Variants in IKZF1 observed in about 807,000 individuals in gnomAD.
IKZF1 encodes DNA-binding protein Ikaros.
A neutral mutation model predicts 51.7 loss-of-function variants in IKZF1; 10 were observed. The ratio of observed to expected loss-of-function variants is 0.19; its 90% CI spans 0.12 to 0.33. The LOEUF (loss-of-function observed/expected upper bound fraction) is 0.33, where lower values mean the gene tolerates loss of function less well. Ranked by LOEUF, IKZF1 falls within the 10% of genes least tolerant of loss-of-function variation. The probability of loss-of-function intolerance (pLI) is 1.00; values close to 1 mark genes in which losing one functional copy is unlikely to be tolerated. For missense variants in IKZF1, 484 were observed against 707.5 expected (o/e 0.68, Z 3.58); for synonymous variants, 280 against 282.3 (o/e 0.99, Z 0.08).
rs116949712 is a variant in IKZF1, at chr7:50,391,033, G to T, written c.716-696G>T. Among the ~76,000 whole-genome samples the T allele has an allele frequency of 7.9e-4, 121 of 152,298 alleles. 1 individual carries two copies. The East Asian group carries it at 0.022, about 28-fold the overall frequency. On this transcript the variant is annotated intron_variant, in intron 6 of 7. Transcript: ENST00000331340. ...TTTTATAACTCCAACCACAATAACTGATGTAAATATAGATCCAGCTATGCA... is the reference window on the plus strand; with the variant it reads ...TTTTATAACTCCAACCACAATAACTTATGTAAATATAGATCCAGCTATGCA...
At chr7:50,324,066 AT>A (rs1794179526) in intron 2 of IKZF1, among the ~76,000 whole-genome samples, 1 of 152,202 alleles carries the variant, frequency 6.6e-6, no homozygotes, top group Non-Finnish European at 1.5e-5. Flanking sequence ...TGTTGGCTTG[AT>A]TTAGTCATTT....
intron 3 of IKZF1, among the ~76,000 whole-genome samples, chr7:50,344,343 A>T (rs1799820711): frequency 6.6e-6 from 1 of 152,176 alleles, no homozygotes; most frequent in Admixed American, 6.5e-5. Flanking sequence ...ACATCCGCTG[A>T]TGTTGTCTTC....
At chr7:50,366,038 T>C (rs1239134817) in intron 3 of IKZF1, among the ~76,000 whole-genome samples, 3 of 152,086 alleles carry the variant, frequency 2.0e-5, no homozygotes, top group African/African-American at 7.2e-5. Context: ...GAAAACCAAG[T>C]GCAGATGTTC....
At chr7:50,324,456 C>G (rs992206561) in intron 2 of IKZF1, among the ~76,000 whole-genome samples, 4 of 152,172 alleles carry the variant, frequency 2.6e-5, no homozygotes, top group African/African-American at 9.7e-5. Flanking sequence ...CCTGTACATA[C>G]CAAGACTGAT....
At chr7:50,316,879 C>G (rs1392041565) in intron 1 of IKZF1, among the ~76,000 whole-genome samples, 1 of 152,158 alleles carries the variant, frequency 6.6e-6, no homozygotes, top group Non-Finnish European at 1.5e-5. Context: ...TTGAAAATAA[C>G]TTGAGTATGC....
intron 3 of IKZF1, chr7:50,369,033 A>G (rs78697948): frequency 0.059 from 13,334 of 224,672 alleles, 487 homozygotes; most frequent in Middle Eastern, 0.083. Context: ...TTTCCAGCCT[A>G]TAGAAGTTAC....
At chr7:50,325,975 T>C (rs1794898744) in intron 2 of IKZF1, among the ~76,000 whole-genome samples, 1 of 152,226 alleles carries the variant, frequency 6.6e-6, no homozygotes, top group African/African-American at 2.4e-5. Flanking sequence ...TAATGCTCTT[T>C]CTGAAAATAT....
At chr7:50,333,811 A>G (rs1483874556) in intron 3 of IKZF1, among the ~76,000 whole-genome samples, 4 of 152,136 alleles carry the variant, frequency 2.6e-5, no homozygotes, top group Admixed American at 2.6e-4. Context: ...CATGGAGCAA[A>G]TTTTGAAAAT....
intron 2 of IKZF1, among the ~76,000 whole-genome samples, chr7:50,323,917 C>T (rs1462765072): frequency 6.6e-6 from 1 of 152,126 alleles, no homozygotes; most frequent in Admixed American, 6.5e-5. Flanking sequence ...CTCCTTTTTC[C>T]ACTTGAGGAA....
chr7:50,348,941 C>T (rs1269338636), intron 3 of IKZF1, among the ~76,000 whole-genome samples: 1 of 152,118 alleles, frequency 6.6e-6, no homozygotes, highest in East Asian at 1.9e-4. Flanking sequence ...GAGGAAGGTC[C>T]CTGGCACAGG....
intron 3 of IKZF1, among the ~76,000 whole-genome samples, chr7:50,342,242 AGG>A (rs1799217963): frequency 6.6e-6 from 1 of 152,232 alleles, no homozygotes; most frequent in Non-Finnish European, 1.5e-5. Context: ...TTGTACTTGT[AGG>A]CATTTTGGTT....
At chr7:50,391,063 A>G (rs1279840925) in intron 6 of IKZF1, among the ~76,000 whole-genome samples, 1 of 152,272 alleles carries the variant, frequency 6.6e-6, no homozygotes, top group Non-Finnish European at 1.5e-5. Flanking sequence ...TATGCAGGAT[A>G]CAAAGTTGTA....
chr7:50,365,717 A>G (rs1483745660), intron 3 of IKZF1, among the ~76,000 whole-genome samples: 1 of 152,234 alleles, frequency 6.6e-6, no homozygotes, highest in Admixed American at 6.5e-5. Context: ...TGTGGAAGAC[A>G]GTGTGGCAAT....
chr7:50,375,705 A>ACCCCCCC (rs60591650), intron 3 of IKZF1, among the ~76,000 whole-genome samples: 1 of 82,264 alleles, frequency 1.2e-5, no homozygotes, highest in African/African-American at 5.1e-5. Flanking sequence ...TTCACCTCCC[A>ACCCCCCC]CCCCCCCCCC....
chr7:50,307,656 T>G (rs1279032910), intron 1 of IKZF1, among the ~76,000 whole-genome samples: 1 of 152,234 alleles, frequency 6.6e-6, no homozygotes, highest in Non-Finnish European at 1.5e-5. Context: ...TGACCCATCC[T>G]TTGAAGCTTA....
intron 3 of IKZF1, among the ~76,000 whole-genome samples, chr7:50,329,452 T>G (rs1182865597): frequency 2.0e-5 from 3 of 152,238 alleles, no homozygotes; most frequent in African/African-American, 7.2e-5. Flanking sequence ...TGAGATTGTC[T>G]TCTATGTATT....
chr7:50,357,898 C>T (rs1006787392), intron 3 of IKZF1, among the ~76,000 whole-genome samples: 3 of 152,150 alleles, frequency 2.0e-5, no homozygotes, highest in South Asian at 2.1e-4. Context: ...TTAGGCAGGT[C>T]GGGTGACCAT....
intron 3 of IKZF1, chr7:50,368,803 G>A (rs1407964020): frequency 8.7e-6 from 2 of 228,980 alleles, no homozygotes; most frequent in Non-Finnish European, 1.7e-5. Context: ...ATCCCCTTAG[G>A]ACCTGTATTA....
At chr7:50,377,160 C>T in intron 4 of IKZF1, 1 of 201,664 alleles carries the variant, frequency 5.0e-6, no homozygotes. Flanking sequence ...TCCTGATACA[C>T]CAAAACTTAC....
Sources: allele counts gnomAD v4.1 joint callset (sites outside exome capture counted in the v4.1 genomes callset), GRCh38; gene constraint gnomAD v4.1.1; transcripts MANE v1.5; gene names NCBI Gene and HGNC (gene_info 2026-07-23, HGNC 2026-07-21).